ADCY10: variants seen among roughly 807,000 people sequenced by gnomAD.
The protein encoded by ADCY10 is adenylate cyclase 10.
Under a neutral mutation model 183.3 loss-of-function variants are expected in ADCY10, and 156 were observed. The ratio of observed to expected loss-of-function variants is 0.85; its 90% CI spans 0.75 to 0.97. The LOEUF (loss-of-function observed/expected upper bound fraction) is 0.97. ADCY10 is among the 50% of genes least tolerant of loss of function. The probability of loss-of-function intolerance (pLI) is 0.00; values close to 1 mark genes in which losing one functional copy is unlikely to be tolerated. For missense variants in ADCY10, 1,745 were observed against 1,934.3 expected (o/e 0.90, Z 1.84); for synonymous variants, 645 against 670.0 (o/e 0.96, Z 0.58).
chr1:167,859,286 C>G (rs1446736817), intron 16 of ADCY10, among the ~76,000 whole-genome samples: 8 of 152,154 alleles, frequency 5.3e-5, no homozygotes, highest in African/African-American at 1.9e-4. Context: ...TGGGAGAGAG[C>G]TAACACTTGT....
chr1:167,895,224 T>C (rs1668882676), intron 7 of ADCY10, among the ~76,000 whole-genome samples: 1 of 150,766 alleles, frequency 6.6e-6, no homozygotes, highest in Non-Finnish European at 1.5e-5. Flanking sequence ...ATTATGGTGC[T>C]CAAAGTAAGG....
At chr1:167,822,395 T>A (rs1354530759) in intron 29 of ADCY10, among the ~76,000 whole-genome samples, 1 of 152,180 alleles carries the variant, frequency 6.6e-6, no homozygotes, top group Non-Finnish European at 1.5e-5. Flanking sequence ...GGGTTTAAAC[T>A]AATCCTTCCT....
intron 14 of ADCY10, among the ~76,000 whole-genome samples, chr1:167,865,159 A>G (rs193127081): frequency 1.8e-3 from 281 of 152,344 alleles, no homozygotes; most frequent in African/African-American, 6.4e-3. Flanking sequence ...TGCAAGGTGC[A>G]TAAGAAAAGT....
intron 17 of ADCY10, among the ~76,000 whole-genome samples, chr1:167,855,469 T>C (rs114998789): frequency 1.8e-3 from 273 of 152,288 alleles, no homozygotes; most frequent in African/African-American, 6.2e-3. Flanking sequence ...GACCACACCA[T>C]TGCCAGCCAG....
chr1:167,856,067 A>G, intron 17 of ADCY10, 98 bp downstream of exon 17: 3 of 1,352,750 alleles, frequency 2.2e-6, no homozygotes, highest in Non-Finnish European at 3.1e-6. Context: ...AGATACTGAA[A>G]TAGGCACATC....
chr1:167,813,975 G>C (rs1662368322), intron 31 of ADCY10, among the ~76,000 whole-genome samples: 1 of 151,918 alleles, frequency 6.6e-6, no homozygotes, highest in African/African-American at 2.4e-5. Context: ...AATAGCTATA[G>C]AATATATACA....
chr1:167,840,047 T>A (rs1218072527), intron 21 of ADCY10, among the ~76,000 whole-genome samples: 2 of 146,982 alleles, frequency 1.4e-5, no homozygotes, highest in African/African-American at 5.1e-5. Context: ...TGGCAAGACC[T>A]GTCTATAAAA....
intron 31 of ADCY10, 111 bp from the exon 32 acceptor site, chr1:167,811,024 G>A (rs1662174026): frequency 9.8e-7 from 1 of 1,023,176 alleles, no homozygotes; most frequent in Non-Finnish European, 1.5e-6. Context: ...AAGCAATCAA[G>A]TGAGAAAATA....
intron 23 of ADCY10, among the ~76,000 whole-genome samples, chr1:167,834,869 G>A (rs996512266): frequency 6.6e-6 from 1 of 152,152 alleles, no homozygotes; most frequent in Admixed American, 6.5e-5. Context: ...GGTATGCATA[G>A]GTTTTAGAAA....
In ADCY10 at chr1:167,824,491, A is replaced by G; in HGVS notation, c.4037T>C (p.Leu1346Pro). The change falls in exon 28 of 33, where the codon CTC becomes CCC. Residue 1346 changes from leucine (L) to proline (P), a missense_variant. Coordinates refer to ENST00000367851, the MANE Select transcript of ADCY10 (RefSeq NM_018417.6). Reference sequence around the variant, plus strand: ...AGATAAATACCTGCTGTTCAGAAGGAGACATCTGCTAAGTCTGCAGAGGGA... The same window carrying G: ...AGATAAATACCTGCTGTTCAGAAGGGGACATCTGCTAAGTCTGCAGAGGGA... The part of the protein sequence containing the change: ...YQSLCRLSRC[L>P]LLNSRYPQLI... 1.2e-6 allele frequency: 2 copies of G among 1,614,090 alleles called. No individual in the cohort carries two copies. The highest frequency in any genetic ancestry group is 2.7e-5 in the African/African-American group (2 of 75,066).
chr1:167,832,381 A>C (rs1663802336), intron 25 of ADCY10, among the ~76,000 whole-genome samples: 1 of 152,054 alleles, frequency 6.6e-6, no homozygotes, highest in Admixed American at 6.5e-5. Flanking sequence ...TATTTCATCT[A>C]CCTCTCCACT....
chr1:167,822,057 A>G lies in ADCY10; in HGVS notation c.4253T>C (p.Leu1418Pro), dbSNP rs759352864. Residue 1418 changes from leucine to proline, a missense_variant, in exon 30 of 33, where the codon CTC becomes CCC. Leu to Pro is a moderately conservative substitution (Grantham distance 98). Transcript: ENST00000367851. ...NNRILKFHSG[L>P]LLGLYSSVAI... ...TACAGAGGAATAAAGTCCCAGGAGG[A>G]GTCCACTGTGGAACTTGAGGATTCT... The G allele has an allele frequency of 6.2e-7, 1 of 1,603,494 alleles. No homozygotes were observed. Among genetic ancestry groups the G allele is most frequent in the Non-Finnish European group, 8.5e-7 (1 of 1,170,246 alleles).
Position 167,891,472 on chromosome 1 carries a change from C to T in ADCY10, c.828+2381G>A, listed in dbSNP as rs193169681. Among the ~76,000 whole-genome samples, 506 of 151,368 alleles carry T rather than the reference C, an allele frequency of 3.3e-3. 3 individuals carry two copies. Among genetic ancestry groups the T allele is most frequent in the African/African-American group, 0.012 (489 of 41,312 alleles). On this transcript the variant is annotated intron_variant, in intron 8 of 32. Coordinates refer to ENST00000367851, the MANE Select transcript of ADCY10 (RefSeq NM_018417.6). ...GAGATCGAGACCATCCTGGCTAACA[C>T]GGTGAAACCCTGTCTCTACTAAAAA...
chr1:167,901,718 T>G lies in ADCY10; in HGVS notation c.380A>C (p.His127Pro), dbSNP rs751371475. 6.2e-7 allele frequency: 1 copy of G among 1,614,216 alleles called. No individual in the cohort carries two copies. The highest frequency in any genetic ancestry group is 8.5e-7 in the Non-Finnish European group (1 of 1,180,034). The change falls in exon 5 of 33, where the codon CAT (histidine) becomes CCT (proline). Residue 127 changes from histidine to proline, a missense_variant. Physicochemically the swap from His to Pro is moderately conservative, Grantham distance 77 (BLOSUM62 -2). Coordinates refer to ENST00000367851, the MANE Select transcript of ADCY10 (RefSeq NM_018417.6). ...TVVIKCSLEIHGLFETQEWEE... is the reference protein window; with the variant it reads ...TVVIKCSLEIPGLFETQEWEE... The stretch of plus-strand genomic sequence containing the variant: ...CCACTCCTGGGTCTCAAACAATCCA[T>G]GGATCTCCAGGCTACATTTAATTAC...
At chr1:167,910,628 TG>T (rs1037537286) in intron 1 of ADCY10, among the ~76,000 whole-genome samples, 1 of 152,144 alleles carries the variant, frequency 6.6e-6, no homozygotes, top group African/African-American at 2.4e-5. Flanking sequence ...AAAGGAAAGT[TG>T]GTGTGTTTTT....
rs7550383 is a variant in ADCY10 at position 167,836,201 on chromosome 1, G to A, written c.3309+108C>T. ...ATTTTCAGTGGAAAGGGGTGCTGTCGGGAATATACAACGTGAAGTAATCAG... is the reference window on the plus strand; with the variant it reads ...ATTTTCAGTGGAAAGGGGTGCTGTCAGGAATATACAACGTGAAGTAATCAG... On this transcript the variant is annotated intron_variant, in intron 23 of 32. Transcript: ENST00000367851. 0.38 allele frequency: 289,830 copies of A among 760,554 alleles called. 60,074 individuals carry two copies. Among genetic ancestry groups the A allele is most frequent in the African/African-American group, 0.72 (41,749 of 58,004 alleles). The allele number at this position is 760,554 out of a possible 1,614,324, so 47.1% of individuals were successfully genotyped here.
Position 167,878,572 on chromosome 1 carries a change from C to T in ADCY10, c.1280G>A (p.Cys427Tyr), listed in dbSNP as rs1667655042. ...MMMYYPGIVT[C>Y]DSVTYNGSNL... ...GCTCCCATTGTAGGTGACAGAGTCG[C>T]AGGTCACAATTCCTGGGTAGTACAT... Residue 427 changes from cysteine to tyrosine, a missense_variant, in exon 12 of 33, where the codon TGC becomes TAC. Physicochemically the swap from Cys to Tyr is radical, Grantham distance 194. Transcript: ENST00000367851. The T allele has an allele frequency of 1.2e-6, 2 of 1,614,180 alleles. No individual in the cohort carries two copies. The highest frequency in any genetic ancestry group is 1.7e-6 in the Non-Finnish European group (2 of 1,180,040).
intron 1 of ADCY10, among the ~76,000 whole-genome samples, chr1:167,910,349 T>G (rs1670072291): frequency 6.6e-6 from 1 of 152,206 alleles, no homozygotes. Flanking sequence ...ATTCATTGAC[T>G]CTGGAATGTG....
At chr1:167,841,647 A>G (rs1200321297) in intron 21 of ADCY10, among the ~76,000 whole-genome samples, 3 of 151,862 alleles carry the variant, frequency 2.0e-5, no homozygotes, top group Non-Finnish European at 2.9e-5. Context: ...GGCACAAGCC[A>G]TCGCACCTGG....
Sources: gnomAD v4.1 joint callset for allele counts (sites outside exome capture counted in the v4.1 genomes callset) on GRCh38, gnomAD v4.1.1 for gene constraint, MANE v1.5 for transcripts, NCBI Gene and HGNC (gene_info 2026-07-23, HGNC 2026-07-21) for gene names.